RORA: variants seen among roughly 807,000 people sequenced by gnomAD.
RORA encodes RAR related orphan receptor A, also known as nuclear receptor ROR-alpha.
A neutral mutation model predicts 69.5 loss-of-function variants in RORA; 7 were observed. The ratio of observed to expected loss-of-function variants is 0.10; its 90% CI spans 0.06 to 0.19. RORA has a LOEUF of 0.19. Ranked by LOEUF, RORA falls within the 10% of genes least tolerant of loss-of-function variation. RORA has a pLI of 1.00. For synonymous variants in RORA, 261 were observed against 240.8 expected, an observed-to-expected ratio of 1.08 and a Z score of -0.78; for missense variants, 457 against 663.0, an observed-to-expected ratio of 0.69 and a Z score of 3.41.
At position 60,834,423 on chromosome 15, in the gene RORA, A is replaced by G. The variant is rs192633427; in HGVS notation, c.167-155737T>C. On this transcript the variant is annotated intron_variant, in intron 1 of 10. Coordinates refer to ENST00000335670, the MANE Select transcript of RORA (RefSeq NM_134261.3). ...CCGTGTGCTCCATACCTTGACATGA[A>G]CACGAGTAAAAATCAAAATGGCCCC... is the stretch of plus-strand genomic sequence containing the variant. 1.2e-3 allele frequency among the ~76,000 whole-genome samples: 183 copies of G among 152,336 alleles called. 1 individual carries two copies. Among genetic ancestry groups the G allele is most frequent in the Admixed American group, 0.011 (175 of 15,294 alleles).
At chr15:61,071,863 A>C (rs886097334) in intron 1 of RORA, among the ~76,000 whole-genome samples, 2 of 152,064 alleles carry the variant, frequency 1.3e-5, no homozygotes, top group Non-Finnish European at 2.9e-5. Context: ...GATTTGCAAT[A>C]GGTACCCTCC....
At chr15:60,753,622 A>G (rs1415019723) in intron 1 of RORA, among the ~76,000 whole-genome samples, 1 of 152,242 alleles carries the variant, frequency 6.6e-6, no homozygotes, top group Non-Finnish European at 1.5e-5. Flanking sequence ...AAATAACACT[A>G]CGCCAAATCA....
intron 1 of RORA, among the ~76,000 whole-genome samples, chr15:61,115,929 G>A (rs1375447865): frequency 6.6e-6 from 1 of 152,150 alleles, no homozygotes. Flanking sequence ...GGGTAGGGCA[G>A]AAAAAAGTGA....
chr15:60,757,957 A>G (rs368753167), intron 1 of RORA, among the ~76,000 whole-genome samples: 4 of 152,198 alleles, frequency 2.6e-5, no homozygotes, highest in African/African-American at 9.7e-5. Flanking sequence ...AGCAATGCAG[A>G]CATTGCTAGC....
At chr15:60,558,620 A>G (rs1465513044) in intron 2 of RORA, among the ~76,000 whole-genome samples, 1 of 152,210 alleles carries the variant, frequency 6.6e-6, no homozygotes. Flanking sequence ...CTTCATTAGT[A>G]ATGTTCAACT....
chr15:60,982,538 T>C (rs575142162), intron 1 of RORA, among the ~76,000 whole-genome samples: 2 of 152,242 alleles, frequency 1.3e-5, no homozygotes, highest in South Asian at 2.1e-4. Context: ...TAAAAACATG[T>C]GTCTAGTAGC....
intron 1 of RORA, among the ~76,000 whole-genome samples, chr15:61,092,046 C>G (rs1344666526): frequency 6.6e-6 from 1 of 152,144 alleles, no homozygotes; most frequent in Non-Finnish European, 1.5e-5. Flanking sequence ...TAAAGTTGGT[C>G]TATGCAATAA....
chr15:61,034,457 A>G (rs1192508622), intron 1 of RORA, among the ~76,000 whole-genome samples: 1 of 152,166 alleles, frequency 6.6e-6, no homozygotes, highest in Non-Finnish European at 1.5e-5. Context: ...CTGAACGACA[A>G]TTACAGTTCA....
chr15:61,081,465 T>A lies in RORA; in HGVS notation c.166+147588A>T, dbSNP rs1039229460. Among the ~76,000 whole-genome samples, 5 of 152,276 alleles carry A rather than the reference T, an allele frequency of 3.3e-5. No homozygotes were observed. The East Asian group carries it at 9.6e-4, about 29-fold the overall frequency. On this transcript the variant is annotated intron_variant, in intron 1 of 10. Transcript: ENST00000335670. ...TCTTTGAATATACACTGGTCTTATT[T>A]CCCCGTGTATATTATTCCTTTTCTC...
chr15:60,520,046 T>C (rs1263845804), intron 3 of RORA: 1 of 152,088 alleles, frequency 6.6e-6, no homozygotes, highest in Admixed American at 6.6e-5. Context: ...AGTCTCAGTT[T>C]TGAGGATTTG....
chr15:60,643,604 C>A (rs1012122852), intron 2 of RORA, among the ~76,000 whole-genome samples: 1 of 152,190 alleles, frequency 6.6e-6, no homozygotes, highest in Non-Finnish European at 1.5e-5. Context: ...TCTACCTATG[C>A]CTTCCAGCAG....
intron 1 of RORA, among the ~76,000 whole-genome samples, chr15:61,194,288 G>A (rs769144683): frequency 1.8e-4 from 27 of 152,232 alleles, no homozygotes; most frequent in Non-Finnish European, 2.4e-4. Flanking sequence ...GGCCGGGCGC[G>A]GTGGCTCATG....
At chr15:61,091,540 G>A (rs1041268135) in intron 1 of RORA, among the ~76,000 whole-genome samples, 6 of 152,162 alleles carry the variant, frequency 3.9e-5, no homozygotes, top group Non-Finnish European at 7.3e-5. Flanking sequence ...GTGGGGCTCC[G>A]GCAGAAGATG....
At chr15:60,932,842 T>C (rs908969747) in intron 1 of RORA, among the ~76,000 whole-genome samples, 1 of 152,204 alleles carries the variant, frequency 6.6e-6, no homozygotes, top group East Asian at 1.9e-4. Flanking sequence ...GGATGAATGC[T>C]CTTTCTGATA....
At chr15:60,967,582 C>G (rs1893590873) in intron 1 of RORA, among the ~76,000 whole-genome samples, 1 of 152,236 alleles carries the variant, frequency 6.6e-6, no homozygotes, top group Admixed American at 6.5e-5. Context: ...GGTCCCCCTG[C>G]TGATAGCTCA....
chr15:60,944,116 A>G (rs947778589), intron 1 of RORA, among the ~76,000 whole-genome samples: 1 of 152,046 alleles, frequency 6.6e-6, no homozygotes, highest in African/African-American at 2.4e-5. Context: ...TCTGTCAAAG[A>G]ATTTGTATAA....
chr15:60,871,209 T>C (rs1047729881), intron 1 of RORA, among the ~76,000 whole-genome samples: 9 of 152,208 alleles, frequency 5.9e-5, no homozygotes, highest in Non-Finnish European at 1.3e-4. Flanking sequence ...TTTCCCCAAA[T>C]TACATTCCTG....
chr15:61,133,677 T>C (rs2079212094), intron 1 of RORA, among the ~76,000 whole-genome samples: 1 of 152,178 alleles, frequency 6.6e-6, no homozygotes, highest in African/African-American at 2.4e-5. Flanking sequence ...ATTCACCCCA[T>C]GAACTTACCT....
chr15:60,852,107 C>T (rs531779788), intron 1 of RORA, among the ~76,000 whole-genome samples: 4 of 152,194 alleles, frequency 2.6e-5, no homozygotes, highest in East Asian at 3.8e-4. Flanking sequence ...GGCACACCAG[C>T]GCTTGAACCT....
Sources: gnomAD v4.1 joint callset for allele counts (sites outside exome capture counted in the v4.1 genomes callset) on GRCh38, gnomAD v4.1.1 for gene constraint, MANE v1.5 for transcripts, NCBI Gene and HGNC (gene_info 2026-07-23, HGNC 2026-07-21) for gene names.